SMYD3: variants seen among roughly 807,000 people sequenced by gnomAD.
The protein encoded by SMYD3 is SET and MYND domain containing 3.
A neutral mutation model predicts 57.7 loss-of-function variants in SMYD3; 36 were observed. The ratio of observed to expected loss-of-function variants is 0.62; its 90% CI spans 0.48 to 0.82. The LOEUF is 0.82. Among genes scored for constraint, SMYD3 ranks in the 40% least tolerant of loss-of-function variants. The pLI, the probability that SMYD3 is intolerant of heterozygous loss-of-function variation, is 0.00. For missense variants in SMYD3, 515 were observed against 538.8 expected (o/e 0.96, Z 0.44); for synonymous variants, 211 against 195.0 (o/e 1.08, Z -0.68).
At chr1:246,365,105 G>GT (rs901855114) in intron 1 of SMYD3, among the ~76,000 whole-genome samples, 1 of 151,944 alleles carries the variant, frequency 6.6e-6, no homozygotes, top group African/African-American at 2.4e-5. Flanking sequence ...AATATACCCA[G>GT]TCTCAAAATC....
intron 1 of SMYD3, among the ~76,000 whole-genome samples, chr1:246,438,268 A>G (rs1248099318): frequency 6.6e-6 from 1 of 152,264 alleles, no homozygotes; most frequent in Non-Finnish European, 1.5e-5. Flanking sequence ...TGATGTTAAC[A>G]ATAGGAAAAC....
intron 5 of SMYD3, among the ~76,000 whole-genome samples, chr1:246,160,530 G>A (rs79734881): frequency 0.023 from 3,497 of 152,274 alleles, 208 homozygotes; most frequent in East Asian, 0.22. Flanking sequence ...TGCAAAGGTG[G>A]GCCCAGAGCC....
chr1:246,363,518 T>TGCC (rs1474161317), intron 1 of SMYD3, among the ~76,000 whole-genome samples: 1 of 152,202 alleles, frequency 6.6e-6, no homozygotes, highest in Non-Finnish European at 1.5e-5. Flanking sequence ...ATCGGATGGT[T>TGCC]GCCGTGTCTG....
At chr1:246,271,728 A>ACT (rs2064227245) in intron 5 of SMYD3, among the ~76,000 whole-genome samples, 5 of 152,202 alleles carry the variant, frequency 3.3e-5, no homozygotes, top group Admixed American at 3.3e-4. Context: ...AAATCAGCAC[A>ACT]TTGAGTCATC....
At chr1:246,237,575 C>T (rs1009855456) in intron 5 of SMYD3, among the ~76,000 whole-genome samples, 1 of 152,132 alleles carries the variant, frequency 6.6e-6, no homozygotes, top group Non-Finnish European at 1.5e-5. Flanking sequence ...CTCCCCGTTT[C>T]TGGGCTTTAA....
At chr1:246,417,264 CT>C (rs1165929119) in intron 1 of SMYD3, 3 of 152,176 alleles carry the variant, frequency 2.0e-5, no homozygotes, top group African/African-American at 4.8e-5. Context: ...GCTATCTGGC[CT>C]TTCTGTTACA....
At chr1:245,910,819 C>T (rs1162152654) in intron 8 of SMYD3, among the ~76,000 whole-genome samples, 6 of 151,992 alleles carry the variant, frequency 3.9e-5, no homozygotes, top group African/African-American at 1.4e-4. Context: ...ATTGGGTAAA[C>T]ACTTCAGACA....
intron 1 of SMYD3, among the ~76,000 whole-genome samples, chr1:246,503,794 C>G (rs546006352): frequency 6.6e-6 from 1 of 151,980 alleles, no homozygotes; most frequent in Non-Finnish European, 1.5e-5. Flanking sequence ...GAAACCCCAT[C>G]TCTACTAAAA....
chr1:246,076,833 A>G (rs558665252), intron 5 of SMYD3, among the ~76,000 whole-genome samples: 23 of 152,220 alleles, frequency 1.5e-4, no homozygotes, highest in Non-Finnish European at 3.1e-4. Flanking sequence ...ATCATTTGCC[A>G]GGCATAGAAG....
At chr1:246,243,336 T>C (rs1037323944) in intron 5 of SMYD3, among the ~76,000 whole-genome samples, 1 of 151,592 alleles carries the variant, frequency 6.6e-6, no homozygotes, top group African/African-American at 2.4e-5. Flanking sequence ...ATATTTTCTA[T>C]GGAGTTCTAA....
intron 8 of SMYD3, among the ~76,000 whole-genome samples, chr1:245,868,266 A>C (rs2051988467): frequency 6.6e-6 from 1 of 152,234 alleles, no homozygotes; most frequent in South Asian, 2.1e-4. Context: ...GTAGGATTCA[A>C]ACCCAGGTCT....
At chr1:246,457,048 C>T (rs1458520113) in intron 1 of SMYD3, among the ~76,000 whole-genome samples, 2 of 152,092 alleles carry the variant, frequency 1.3e-5, no homozygotes, top group African/African-American at 2.4e-5. Flanking sequence ...TTATATGGAG[C>T]CTTCCATCTC....
chr1:246,194,264 G>T (rs1384568669), intron 5 of SMYD3, among the ~76,000 whole-genome samples: 2 of 148,824 alleles, frequency 1.3e-5, no homozygotes, highest in East Asian at 1.9e-4. Flanking sequence ...TTCTTGTGGG[G>T]TTTTTTTGTT....
At chr1:246,124,935 G>A (rs1010576308) in intron 5 of SMYD3, among the ~76,000 whole-genome samples, 3 of 152,094 alleles carry the variant, frequency 2.0e-5, no homozygotes, top group Non-Finnish European at 2.9e-5. Context: ...AGCCGGGCGT[G>A]GTGGCGGGCG....
At chr1:245,967,195 T>C (rs1214789371) in intron 5 of SMYD3, among the ~76,000 whole-genome samples, 4 of 152,244 alleles carry the variant, frequency 2.6e-5, no homozygotes, top group Non-Finnish European at 5.9e-5. Flanking sequence ...TCTTACATGG[T>C]ATTGTAATAC....
At chr1:246,374,906 A>T (rs1031092245) in intron 1 of SMYD3, among the ~76,000 whole-genome samples, 1 of 152,118 alleles carries the variant, frequency 6.6e-6, no homozygotes, top group Non-Finnish European at 1.5e-5. Context: ...CAGCCTGGCC[A>T]ACATGGTGAA....
intron 1 of SMYD3, among the ~76,000 whole-genome samples, chr1:246,373,911 A>T (rs12046949): frequency 0.017 from 2,557 of 152,320 alleles, 68 homozygotes; most frequent in East Asian, 0.085. Flanking sequence ...GCTATTCCAC[A>T]AAACAACCCT....
intron 1 of SMYD3, among the ~76,000 whole-genome samples, chr1:246,389,991 G>T (rs1365902651): frequency 1.3e-5 from 2 of 152,132 alleles, no homozygotes; most frequent in Non-Finnish European, 2.9e-5. Context: ...AGAAGGGGCA[G>T]ATCTGCTGCG....
intron 5 of SMYD3, among the ~76,000 whole-genome samples, chr1:246,050,219 TGAA>T (rs1396604108): frequency 6.6e-6 from 1 of 152,184 alleles, no homozygotes; most frequent in African/African-American, 2.4e-5. Context: ...GCAAAAACAC[TGAA>T]GTAGTAGTGC....
Sources: allele counts gnomAD v4.1 joint callset (sites outside exome capture counted in the v4.1 genomes callset), GRCh38; gene constraint gnomAD v4.1.1; transcripts MANE v1.5; gene names NCBI Gene and HGNC (gene_info 2026-07-23, HGNC 2026-07-21).